C1orf87: variants seen among roughly 807,000 people sequenced by gnomAD.
C1orf87 encodes the protein uncharacterized protein C1orf87.
C1orf87 carries 58 observed loss-of-function variants against 60.5 expected under a neutral mutation model. That is an observed-to-expected ratio of 0.96 (90% confidence interval 0.78 to 1.19). The LOEUF (loss-of-function observed/expected upper bound fraction) is 1.19. Among genes scored for constraint, C1orf87 ranks in the 50% most tolerant of loss-of-function variants. The pLI, the probability that C1orf87 is intolerant of heterozygous loss-of-function variation, is 0.00. For synonymous variants in C1orf87, 236 were observed against 227.4 expected (o/e 1.04, Z -0.34); for missense variants, 673 against 638.6 (o/e 1.05, Z -0.58).
At chr1:60,040,244 G>C in intron 4 of C1orf87, 64 bp from the exon 5 acceptor site, 1 of 1,546,102 alleles carries the variant, frequency 6.5e-7, no homozygotes, top group Non-Finnish European at 8.7e-7. Context: ...ACCAAAGCAA[G>C]GAAGCAGAGG....
intron 8 of C1orf87, among the ~76,000 whole-genome samples, chr1:60,019,588 G>A (rs533266940): frequency 7.2e-5 from 11 of 152,226 alleles, no homozygotes; most frequent in South Asian, 2.1e-4. Context: ...GGAAGATGTC[G>A]GAAAAATTTT....
chr1:59,993,757 T>TTC (rs1644943132), intron 11 of C1orf87, among the ~76,000 whole-genome samples: 1 of 103,484 alleles, frequency 9.7e-6, no homozygotes, highest in Admixed American at 9.7e-5. Flanking sequence ...ATAAGAATCC[T>TTC]TTTTTTTTTT....
intron 3 of C1orf87, among the ~76,000 whole-genome samples, chr1:60,050,176 T>C (rs1356243700): frequency 6.6e-6 from 1 of 152,080 alleles, no homozygotes; most frequent in Non-Finnish European, 1.5e-5. Context: ...ACTATTTTTT[T>C]GTTGGAATCC....
chr1:60,022,560 C>G (rs1470318445), intron 8 of C1orf87, among the ~76,000 whole-genome samples: 1 of 151,976 alleles, frequency 6.6e-6, no homozygotes, highest in African/African-American at 2.4e-5. Flanking sequence ...AGTACTGAAC[C>G]CTATATATCC....
chr1:60,057,954 G>A (rs908426013), intron 2 of C1orf87, among the ~76,000 whole-genome samples: 1 of 152,188 alleles, frequency 6.6e-6, no homozygotes, highest in Non-Finnish European at 1.5e-5. Context: ...GACATGCAGA[G>A]AAGGCAGACA....
At chr1:60,071,467 A>G (rs1010439897) in intron 2 of C1orf87, among the ~76,000 whole-genome samples, 3 of 152,194 alleles carry the variant, frequency 2.0e-5, no homozygotes, top group African/African-American at 7.2e-5. Context: ...GGGATCCCAA[A>G]TGTATGAATC....
intron 2 of C1orf87, among the ~76,000 whole-genome samples, chr1:60,064,472 A>G (rs1257830478): frequency 7.2e-6 from 1 of 138,706 alleles, no homozygotes; most frequent in Non-Finnish European, 1.5e-5. Context: ...TATGTGTGCA[A>G]TAGCATTGTC....
intron 2 of C1orf87, among the ~76,000 whole-genome samples, chr1:60,062,226 A>C (rs889119902): frequency 6.6e-6 from 1 of 152,098 alleles, no homozygotes; most frequent in African/African-American, 2.4e-5. Context: ...AGTTCTCTTA[A>C]TCTCAGCATA....
At position 59,997,664 on chromosome 1, in the gene C1orf87, T is replaced by G. The variant is rs1213660523; in HGVS notation, c.1425A>C (p.Ile475=). 1 of 1,613,974 alleles carries G rather than the reference T, an allele frequency of 6.2e-7. No homozygotes were observed. Among genetic ancestry groups the G allele is most frequent in the Non-Finnish European group, 8.5e-7 (1 of 1,179,900 alleles). Residue 475 remains isoleucine (I), a synonymous_variant, in exon 11 of 12, where the codon ATA becomes ATC. Coordinates refer to ENST00000371201, the MANE Select transcript of C1orf87 (RefSeq NM_152377.3). Reference sequence around the variant, plus strand: ...CATTTTCCAGCTTCCTGAACCTGTCTATCCACGTCTCACATTCCTCAGCCT... The same window carrying G: ...CATTTTCCAGCTTCCTGAACCTGTCGATCCACGTCTCACATTCCTCAGCCT... The part of the protein sequence containing the change: ...KNKAEECETW[I]DRFRKLENAL...
intron 6 of C1orf87, 101 bp downstream of exon 6, chr1:60,037,891 A>T: frequency 1.6e-6 from 1 of 637,664 alleles, no homozygotes. Context: ...TCATACATTT[A>T]TATTCTTTAT....
At chr1:60,042,684 C>T (rs1478634666) in intron 3 of C1orf87, among the ~76,000 whole-genome samples, 1 of 152,188 alleles carries the variant, frequency 6.6e-6, no homozygotes, top group East Asian at 1.9e-4. Context: ...GTAGGTAGTA[C>T]TAGCAACCTT....
chr1:60,057,062 T>C (rs1247778743), intron 2 of C1orf87, among the ~76,000 whole-genome samples: 1 of 152,148 alleles, frequency 6.6e-6, no homozygotes, highest in Admixed American at 6.5e-5. Context: ...CTCTGATGGA[T>C]ACTACATTTA....
intron 10 of C1orf87, among the ~76,000 whole-genome samples, chr1:59,998,632 T>C (rs903256968): frequency 6.6e-6 from 1 of 152,150 alleles, no homozygotes; most frequent in Non-Finnish European, 1.5e-5. Context: ...TCTATCTGCA[T>C]AGTTTAGGAC....
intron 8 of C1orf87, among the ~76,000 whole-genome samples, chr1:60,022,836 G>A (rs1236670647): frequency 6.6e-6 from 1 of 152,118 alleles, no homozygotes. Flanking sequence ...CAGTCAATCT[G>A]ATAACCAAGA....
intron 9 of C1orf87, chr1:60,008,787 T>C (rs1280137232): frequency 2.3e-6 from 1 of 432,796 alleles, no homozygotes; most frequent in East Asian, 7.2e-5. Flanking sequence ...TTGTAAGAGA[T>C]CCAAGTGCAG....
At chr1:60,057,878 A>G (rs148085089) in intron 2 of C1orf87, among the ~76,000 whole-genome samples, 6 of 152,286 alleles carry the variant, frequency 3.9e-5, no homozygotes, top group African/African-American at 1.4e-4. Flanking sequence ...GTTAAGGTTA[A>G]AGACCATTGA....
intron 9 of C1orf87, chr1:60,008,596 A>C (rs1574297959): frequency 2.5e-6 from 1 of 402,020 alleles, no homozygotes; most frequent in East Asian, 7.7e-5. Context: ...TAGAGACACC[A>C]GGGATGCACA....
intron 2 of C1orf87, among the ~76,000 whole-genome samples, chr1:60,063,639 T>C (rs1437458403): frequency 1.3e-5 from 2 of 152,170 alleles, no homozygotes; most frequent in Non-Finnish European, 2.9e-5. Flanking sequence ...AGAGGCTTTG[T>C]TCTGACTATT....
intron 3 of C1orf87, 67 bp from the exon 4 acceptor site, chr1:60,041,198 A>T (rs1419978981): frequency 7.4e-7 from 1 of 1,356,244 alleles, no homozygotes; most frequent in East Asian, 2.5e-5. Context: ...AAGAGGAAAG[A>T]ATGGAGAAAA....
Sources: allele counts gnomAD v4.1 joint callset (sites outside exome capture counted in the v4.1 genomes callset), GRCh38; gene constraint gnomAD v4.1.1; transcripts MANE v1.5; gene names NCBI Gene and HGNC (gene_info 2026-07-23, HGNC 2026-07-21).